The following CSGALNACT1 variants were observed in gnomAD, a reference collection of about 807,000 sequenced individuals.
CSGALNACT1 encodes beta4GalNAcT-1.
In CSGALNACT1, 52 loss-of-function variants were observed where a neutral mutation model predicts 51.0. That is an observed-to-expected ratio of 1.02 (90% confidence interval 0.82 to 1.29). CSGALNACT1 has a LOEUF of 1.29. CSGALNACT1 is among the 50% of genes most tolerant of loss of function. The pLI is 0.00. For missense variants in CSGALNACT1, 935 were observed against 679.2 expected (o/e 1.38, Z -4.19); for synonymous variants, 341 against 254.4 (o/e 1.34, Z -3.24).
intron 5 of CSGALNACT1, among the ~76,000 whole-genome samples, chr8:19,451,522 G>A (rs922655466): frequency 3.9e-5 from 6 of 152,164 alleles, no homozygotes; most frequent in Non-Finnish European, 8.8e-5. Context: ...AATAAATTTT[G>A]TCCCCATGGA....
At chr8:19,687,410 CTAAAA>C (rs1293938458), upstream of CSGALNACT1, among the ~76,000 whole-genome samples, 7 of 152,068 alleles carry the variant, frequency 4.6e-5, no homozygotes, top group African/African-American at 1.7e-4. Flanking sequence ...AGATGCCCCA[CTAAAA>C]TATATTATAT....
intron 3 of CSGALNACT1, among the ~76,000 whole-genome samples, chr8:19,584,626 CA>C (rs1442032163): frequency 1.3e-5 from 2 of 152,126 alleles, no homozygotes; most frequent in Non-Finnish European, 2.9e-5. Context: ...ATTCAGAAAT[CA>C]AAAGTATAAT....
At chr8:19,666,466 G>C (rs571799790) in intron 1 of CSGALNACT1, among the ~76,000 whole-genome samples, 5 of 152,032 alleles carry the variant, frequency 3.3e-5, no homozygotes, top group African/African-American at 1.2e-4. Flanking sequence ...AGGCTGAGGC[G>C]GGTGAATCAC....
chr8:19,493,871 T>TACACACAC (rs57708862), intron 4 of CSGALNACT1, among the ~76,000 whole-genome samples: 11 of 149,000 alleles, frequency 7.4e-5, no homozygotes, highest in African/African-American at 2.2e-4. Context: ...TGTGTGTTTA[T>TACACACAC]ACACACACAC....
intron 2 of CSGALNACT1, among the ~76,000 whole-genome samples, chr8:19,594,055 G>A (rs1354710027): frequency 6.6e-6 from 1 of 152,180 alleles, no homozygotes; most frequent in Non-Finnish European, 1.5e-5. Flanking sequence ...TCAGGAGTGT[G>A]CATCTCAGAG....
intron 1 of CSGALNACT1, among the ~76,000 whole-genome samples, chr8:19,702,958 C>T (rs1161529499): frequency 6.6e-6 from 1 of 152,162 alleles, no homozygotes; most frequent in Non-Finnish European, 1.5e-5. Flanking sequence ...TCTTAGCCCC[C>T]TTCCTGGTGT....
At chr8:19,636,313 G>C (rs1484128249) in intron 1 of CSGALNACT1, among the ~76,000 whole-genome samples, 1 of 151,950 alleles carries the variant, frequency 6.6e-6, no homozygotes, top group African/African-American at 2.4e-5. Flanking sequence ...CTTTATCATA[G>C]ATAAGTATAT....
At chr8:19,544,751 A>T (rs1350404719) in intron 3 of CSGALNACT1, among the ~76,000 whole-genome samples, 1 of 152,214 alleles carries the variant, frequency 6.6e-6, no homozygotes. Context: ...AGTTTAAATG[A>T]TTCTTTTGTA....
At chr8:19,505,745 G>A (rs1382543555) in exon 4 of CSGALNACT1, 2 of 1,614,160 alleles carry the variant, frequency 1.2e-6, no homozygotes, top group Non-Finnish European at 1.7e-6. Flanking sequence ...AGGCCAACAT[G>A]TACAGGACAG....
chr8:19,537,767 A>C (rs940784968), intron 3 of CSGALNACT1, among the ~76,000 whole-genome samples: 1 of 152,232 alleles, frequency 6.6e-6, no homozygotes, highest in African/African-American at 2.4e-5. Context: ...CCAGAGTTAA[A>C]TGTAAGAGAT....
At chr8:19,471,302 C>G (rs1481369315) in intron 4 of CSGALNACT1, among the ~76,000 whole-genome samples, 2 of 152,142 alleles carry the variant, frequency 1.3e-5, no homozygotes, top group African/African-American at 4.8e-5. Context: ...AGGGGTGAAT[C>G]ATGGGGAAGA....
chr8:19,540,190 C>T (rs1187750437), intron 3 of CSGALNACT1, among the ~76,000 whole-genome samples: 1 of 152,178 alleles, frequency 6.6e-6, no homozygotes, highest in African/African-American at 2.4e-5. Flanking sequence ...TTCCTTGCTT[C>T]CAAAATAGTC....
intron 4 of CSGALNACT1, among the ~76,000 whole-genome samples, chr8:19,477,245 G>T (rs1056865599): frequency 6.6e-6 from 1 of 152,174 alleles, no homozygotes; most frequent in Admixed American, 6.5e-5. Context: ...TGGAACATAA[G>T]GCCACTCAGG....
intron 4 of CSGALNACT1, among the ~76,000 whole-genome samples, chr8:19,459,954 C>G (rs983253273): frequency 6.6e-6 from 1 of 152,164 alleles, no homozygotes; most frequent in Non-Finnish European, 1.5e-5. Context: ...AACTCAGCAT[C>G]TCAGCTGCCC....
chr8:19,610,806 G>C (rs1461104111), intron 1 of CSGALNACT1, among the ~76,000 whole-genome samples: 6 of 152,230 alleles, frequency 3.9e-5, no homozygotes, highest in African/African-American at 1.4e-4. Flanking sequence ...AAGAAACCGG[G>C]ATACGGAAAG....
intron 3 of CSGALNACT1, among the ~76,000 whole-genome samples, chr8:19,566,043 G>C (rs555269783): frequency 6.6e-6 from 1 of 152,156 alleles, no homozygotes; most frequent in Non-Finnish European, 1.5e-5. Context: ...TGGTGGCCTC[G>C]AAAAAGATGT....
intron 1 of CSGALNACT1, among the ~76,000 whole-genome samples, chr8:19,655,055 A>C (rs2058138915): frequency 6.6e-6 from 1 of 152,192 alleles, no homozygotes; most frequent in African/African-American, 2.4e-5. Flanking sequence ...ATTGAGTAAT[A>C]AGCCAATAAA....
At chr8:19,560,844 G>A (rs1588351601) in intron 3 of CSGALNACT1, among the ~76,000 whole-genome samples, 1 of 152,262 alleles carries the variant, frequency 6.6e-6, no homozygotes, top group Non-Finnish European at 1.5e-5. Flanking sequence ...TGGAATGCAG[G>A]CATAGGAATA....
chr8:19,694,612 AT>A (rs1564438066), intron 1 of CSGALNACT1, among the ~76,000 whole-genome samples: 1 of 152,224 alleles, frequency 6.6e-6, no homozygotes, highest in Non-Finnish European at 1.5e-5. Context: ...GCTTTTGGAA[AT>A]ACTCAGTTAG....
Sources: gnomAD v4.1 joint callset for allele counts (sites outside exome capture counted in the v4.1 genomes callset) on GRCh38, gnomAD v4.1.1 for gene constraint, MANE v1.5 for transcripts, NCBI Gene and HGNC (gene_info 2026-07-23, HGNC 2026-07-21) for gene names.